The following EPG5 variants were observed in gnomAD, a reference collection of about 807,000 sequenced individuals.
EPG5 encodes ectopic P granules protein 5 homolog.
EPG5 carries 159 observed loss-of-function variants against 302.7 expected under a neutral mutation model. The observed-to-expected ratio is 0.53, with a 90% CI of 0.46 to 0.60. The LOEUF is 0.60. EPG5 is among the 20% of genes least tolerant of loss of function. The pLI, the probability that EPG5 is intolerant of heterozygous loss-of-function variation, is 0.00. For synonymous variants in EPG5, 1,158 were observed against 1,136.8 expected, an observed-to-expected ratio of 1.02 and a Z score of -0.37; for missense variants, 2,896 against 3,092.4, an observed-to-expected ratio of 0.94 and a Z score of 1.51.
the EPG5 span, among the ~76,000 whole-genome samples, chr18:45,812,155 C>G: frequency 1.5e-3 from 229 of 152,282 alleles, 1 homozygote; most frequent in African/African-American, 5.3e-3. Flanking sequence ...CATGAGTGAA[C>G]TCCCATTTGC....
chr18:45,908,252 G>A (rs953569893), intron 23 of EPG5, among the ~76,000 whole-genome samples, 171 bp from the exon 24 acceptor site: 1 of 152,042 alleles, frequency 6.6e-6, no homozygotes, highest in Non-Finnish European at 1.5e-5. Flanking sequence ...GTCCAGCAGG[G>A]GAGGCACGTC....
At chr18:45,838,381 A>C in the EPG5 span, 1 of 425,602 alleles carries the variant, frequency 2.3e-6, no homozygotes, top group Non-Finnish European at 4.2e-6. Context: ...GTGGCTCTCC[A>C]CTCTAGCCCC....
At chr18:45,810,697 C>T in the EPG5 span, among the ~76,000 whole-genome samples, 5 of 152,260 alleles carry the variant, frequency 3.3e-5, no homozygotes, top group South Asian at 4.1e-4. Flanking sequence ...AGGAGAATCA[C>T]TTGAACCTGG....
At position 45,916,183 on chromosome 18, in the gene EPG5, C is replaced by T. The variant is rs762900577; in HGVS notation, c.3408G>A (p.Gln1136=). ...CAGCAACGGGGCCCACTTCATTGGG[C>T]TGAGTGCTTACAGATATGTGTGCCT... is the stretch of plus-strand genomic sequence containing the variant. The part of the protein sequence containing the change: ...MIQAHISVST[Q]PNEVGPVAVL... The change falls in exon 19 of 44, where the codon CAG becomes CAA. Residue 1136 remains glutamine, a synonymous_variant. Transcript: ENST00000282041. The T allele has an allele frequency of 3.7e-6, 6 of 1,613,624 alleles. No individual in the cohort carries two copies. The East Asian group carries it at 1.1e-4, about 30-fold the overall frequency.
At chr18:45,892,389 C>T (rs1161955981) in intron 27 of EPG5, among the ~76,000 whole-genome samples, 1 of 152,172 alleles carries the variant, frequency 6.6e-6, no homozygotes. Flanking sequence ...GAAGCCCCTC[C>T]ACTTGAGTCA....
chr18:45,913,927 G>T, intron 20 of EPG5, 99 bp from the exon 21 acceptor site: 1 of 1,436,792 alleles, frequency 7.0e-7, no homozygotes, highest in Non-Finnish European at 9.4e-7. Flanking sequence ...CCTATCTCAA[G>T]CTCAATCAGC....
In EPG5 at chr18:45,884,643, C is replaced by A. The variant is rs774484850; in HGVS notation, c.5278G>T (p.Asp1760Tyr). Residue 1760 changes from aspartate (D) to tyrosine (Y), a missense_variant, in exon 30 of 44, where the codon GAT (aspartate) becomes TAT (tyrosine). By Grantham distance (160) the Asp-to-Tyr change is radical. Around this residue, in one of 5 missense-constraint regions of EPG5, gnomAD observed 790 missense variants for 798.0 expected, o/e 0.99. Transcript: ENST00000282041. ...VVKFLSEDNS[D>Y]MIFMLLTKFD... ...TTGGTTAGCAGCATGAAAATCATAT[C>A]ACTGTTGTCCTCACTTAGAAACTTC... The A allele has an allele frequency of 6.2e-7, 1 of 1,606,596 alleles. No homozygotes were observed. The highest frequency in any genetic ancestry group is 8.5e-7 in the Non-Finnish European group (1 of 1,177,654).
At chr18:45,908,676 C>T (rs1402626188) in intron 23 of EPG5, among the ~76,000 whole-genome samples, 2 of 152,198 alleles carry the variant, frequency 1.3e-5, no homozygotes, top group East Asian at 3.9e-4. Context: ...TCTGGCTGGG[C>T]GCAGTGGCTC....
chr18:45,916,927 G>A, intron 17 of EPG5: 1 of 166,282 alleles, frequency 6.0e-6, no homozygotes, highest in East Asian at 1.7e-4. Context: ...TTCCAAACTT[G>A]CCTCATACCC....
chr18:45,940,767 A>G (rs1302262961), intron 9 of EPG5, among the ~76,000 whole-genome samples: 1 of 152,150 alleles, frequency 6.6e-6, no homozygotes, highest in African/African-American at 2.4e-5. Context: ...TTGATGGTGG[A>G]GATGATAAAA....
chr18:45,946,934 A>G (rs759827132), intron 6 of EPG5, among the ~76,000 whole-genome samples, 166 bp from the exon 7 acceptor site: 5 of 152,240 alleles, frequency 3.3e-5, no homozygotes, highest in Non-Finnish European at 2.9e-5. Context: ...AAACTGCACT[A>G]ATTTTGGTGG....
chr18:45,814,416 A>T, the EPG5 span, among the ~76,000 whole-genome samples: 1 of 152,230 alleles, frequency 6.6e-6, no homozygotes. Flanking sequence ...GATCAATTTG[A>T]TCCTGGATTG....
At chr18:45,932,538 G>A (rs1264971367) in intron 11 of EPG5, among the ~76,000 whole-genome samples, 1 of 152,142 alleles carries the variant, frequency 6.6e-6, no homozygotes, top group Non-Finnish European at 1.5e-5. Context: ...TAAAGAATAA[G>A]CACTTCTGGC....
the EPG5 span, chr18:45,829,321 T>C: frequency 3.8e-5 from 8 of 212,520 alleles, no homozygotes; most frequent in Non-Finnish European, 4.1e-5. Flanking sequence ...CCCGGGAACC[T>C]TCAGGGTCTG....
intron 24 of EPG5, 35 bp downstream of exon 24, chr18:45,907,920 TAAA>T (rs542412749): frequency 0.031 from 41,223 of 1,310,480 alleles, 1 homozygote; most frequent in Middle Eastern, 0.034. Flanking sequence ...TCAGATATGC[TAAA>T]AAAAAAAAAA....
At chr18:45,873,174 T>A (rs1321581163) in intron 35 of EPG5, among the ~76,000 whole-genome samples, 1 of 152,200 alleles carries the variant, frequency 6.6e-6, no homozygotes, top group Middle Eastern at 3.2e-3. Context: ...ATTTTATTCA[T>A]ATACAGGGGC....
Position 45,917,563 on chromosome 18 carries a change from T to C in EPG5, c.3239+116A>G, listed in dbSNP as rs908280123. 6.9e-6 allele frequency: 9 copies of C among 1,306,912 alleles called. No homozygotes were observed. In the Admixed American group the frequency reaches 1.4e-4, roughly 20 times the overall value. 81.0% of individuals were successfully genotyped at this position (1,306,912 alleles called of 1,614,324 possible). ...TGGGGTGCAGAATATTTTTGCCCCA[T>C]AATACGCTGTTGAAATAGCATTCCC... On this transcript the variant is annotated intron_variant, in intron 17 of 43. Transcript: ENST00000282041.
In EPG5 at chr18:45,863,978, T is replaced by G. The variant is rs951794983; in HGVS notation, c.6766+1637A>C. On this transcript the variant is annotated intron_variant, in intron 39 of 43. Coordinates refer to ENST00000282041, the MANE Select transcript of EPG5 (RefSeq NM_020964.3). ...TCATCAGCCCTGAAAATTTTCAGCC[T>G]TGCTATCTCTTCAGATATTGCTTCT... 3.9e-5 allele frequency among the ~76,000 whole-genome samples: 6 copies of G among 152,330 alleles called. No homozygotes were observed. The East Asian group carries it at 1.2e-3, about 29-fold the overall frequency.
In EPG5 at chr18:45,900,983, T is replaced by C. The variant is rs747489873; in HGVS notation, c.4646+13A>G. Reference sequence around the variant, plus strand: ...AACATGGGAACATGATCCGTGAGGCTGCATGGTCTTACCTGGCCTGCTGTT... The same window carrying C: ...AACATGGGAACATGATCCGTGAGGCCGCATGGTCTTACCTGGCCTGCTGTT... On this transcript the variant is annotated intron_variant, in intron 26 of 43. Coordinates refer to ENST00000282041, the MANE Select transcript of EPG5 (RefSeq NM_020964.3). 1.9e-6 allele frequency: 3 copies of C among 1,601,886 alleles called. No homozygotes were observed. In the East Asian group the frequency reaches 6.7e-5, roughly 36 times the overall value.
Sources: gnomAD v4.1 joint callset for allele counts (sites outside exome capture counted in the v4.1 genomes callset) on GRCh38, gnomAD v4.1.1 for gene constraint, gnomAD v4.1.1 regional missense constraint, MANE v1.5 for transcripts, NCBI Gene and HGNC (gene_info 2026-07-23, HGNC 2026-07-21) for gene names.